Variants in TMEM135 observed in about 807,000 individuals in gnomAD.
TMEM135 encodes peroxisomal membrane protein 52.
In TMEM135, 30 loss-of-function variants were observed where a neutral mutation model predicts 60.3. That is an observed-to-expected ratio of 0.50 (90% CI 0.37 to 0.68). TMEM135 has a LOEUF of 0.68. Among genes scored for constraint, TMEM135 ranks in the 30% least tolerant of loss-of-function variants. The pLI is 0.00. For missense variants in TMEM135, 468 were observed against 548.8 expected, an observed-to-expected ratio of 0.85 and a Z score of 1.47; for synonymous variants, 190 against 186.7, an observed-to-expected ratio of 1.02 and a Z score of -0.14.
chr11:87,107,139 A>G (rs1218589514), intron 4 of TMEM135, among the ~76,000 whole-genome samples: 1 of 152,186 alleles, frequency 6.6e-6, no homozygotes. Context: ...GGACAAATAT[A>G]CAGACTATAT....
chr11:87,152,127 A>G lies in TMEM135; in HGVS notation c.397-5214A>G, dbSNP rs528636414. ...CTAAGGTTCTGCTGAACAAATTAGCATGTCTTCTGACTCTTCAGAGAGTGA... is the reference window on the plus strand; with the variant it reads ...CTAAGGTTCTGCTGAACAAATTAGCGTGTCTTCTGACTCTTCAGAGAGTGA... On this transcript the variant is annotated intron_variant, in intron 4 of 14. Transcript: ENST00000305494. Among the ~76,000 whole-genome samples the G allele has an allele frequency of 4.6e-5, 7 of 152,214 alleles. No individual in the cohort carries two copies. The South Asian group carries it at 8.3e-4, about 18-fold the overall frequency.
chr11:87,079,944 C>T (rs1325878256), intron 3 of TMEM135, among the ~76,000 whole-genome samples: 13 of 148,904 alleles, frequency 8.7e-5, no homozygotes, highest in East Asian at 4.0e-4. Context: ...TGGGTTCAAG[C>T]GATTCTCCTG....
chr11:87,315,358 A>G (rs1316530113), intron 12 of TMEM135, among the ~76,000 whole-genome samples: 1 of 151,934 alleles, frequency 6.6e-6, no homozygotes, highest in African/African-American at 2.4e-5. Context: ...ATTCAGGTTT[A>G]AATTTTTGTA....
intron 5 of TMEM135, among the ~76,000 whole-genome samples, chr11:87,183,566 TTGTC>T (rs1434117409): frequency 1.3e-5 from 2 of 152,176 alleles, no homozygotes; most frequent in African/African-American, 4.8e-5. Flanking sequence ...TGCGGTTAAA[TTGTC>T]TGATAAAAGT....
chr11:87,315,977 G>A (rs1288195756), intron 12 of TMEM135, among the ~76,000 whole-genome samples: 2 of 151,674 alleles, frequency 1.3e-5, no homozygotes, highest in Non-Finnish European at 2.9e-5. Context: ...AATATATTCC[G>A]GGCTCATCTG....
intron 6 of TMEM135, among the ~76,000 whole-genome samples, chr11:87,236,964 T>G (rs895683312): frequency 5.3e-5 from 8 of 151,984 alleles, no homozygotes; most frequent in African/African-American, 1.9e-4. Flanking sequence ...CAAATCCTGA[T>G]AAGTGAATTT....
rs970247939 is a variant in TMEM135 at position 87,326,790 on chromosome 11, T to G, written c.*5457T>G. On this transcript the variant is annotated 3_prime_UTR_variant, in exon 15 of 15. Transcript: ENST00000305494. Reference sequence around the variant, plus strand: ...GAAGAAATTCAGTTGCATCTGAATCTGAGTCGGCAGTTTTTGATAGCCTGT... The same window carrying G: ...GAAGAAATTCAGTTGCATCTGAATCGGAGTCGGCAGTTTTTGATAGCCTGT... 1 of 446,104 alleles carries G rather than the reference T, an allele frequency of 2.2e-6. No homozygotes were observed. The highest frequency in any genetic ancestry group is 4.4e-6 in the Non-Finnish European group (1 of 224,864). 27.6% of individuals were successfully genotyped at this position (446,104 alleles called of 1,614,324 possible).
intron 1 of TMEM135, among the ~76,000 whole-genome samples, chr11:87,058,539 C>T (rs1949915375): frequency 6.6e-6 from 1 of 152,130 alleles, no homozygotes; most frequent in Non-Finnish European, 1.5e-5. Flanking sequence ...CTATGTTGGC[C>T]AGACTGGTCT....
At chr11:87,280,451 G>A (rs1431978107) in intron 6 of TMEM135, among the ~76,000 whole-genome samples, 4 of 152,264 alleles carry the variant, frequency 2.6e-5, no homozygotes, top group African/African-American at 9.6e-5. Context: ...CTGTGTTACA[G>A]TCATATTAAA....
chr11:87,055,666 C>T (rs895672929), intron 1 of TMEM135, among the ~76,000 whole-genome samples: 4 of 151,862 alleles, frequency 2.6e-5, no homozygotes, highest in Non-Finnish European at 5.9e-5. Flanking sequence ...TCTCGGCTCA[C>T]GCCAACCTCC....
intron 5 of TMEM135, among the ~76,000 whole-genome samples, chr11:87,197,472 A>G (rs1463156008): frequency 6.6e-6 from 1 of 152,112 alleles, no homozygotes; most frequent in Non-Finnish European, 1.5e-5. Flanking sequence ...TAGAAAGGAG[A>G]TGGTAACCTG....
chr11:87,250,190 G>T (rs1264110686), intron 6 of TMEM135, among the ~76,000 whole-genome samples: 1 of 151,978 alleles, frequency 6.6e-6, no homozygotes, highest in Non-Finnish European at 1.5e-5. Flanking sequence ...TGATGTATTT[G>T]TGCATTTTGT....
chr11:87,240,103 T>C lies in TMEM135; in HGVS notation c.509+3419T>C, dbSNP rs1565497840. 3.3e-5 allele frequency among the ~76,000 whole-genome samples: 5 copies of C among 152,224 alleles called. No homozygotes were observed. The South Asian group carries it at 1.0e-3, about 32-fold the overall frequency. On this transcript the variant is annotated intron_variant, in intron 6 of 14. Coordinates refer to ENST00000305494, the MANE Select transcript of TMEM135 (RefSeq NM_022918.4). ...AAGGTACTGTGCGAGGAGAGGGCTC[T>C]ACTTCTGTTCTGGTCAGCTGGCCTG...
intron 5 of TMEM135, among the ~76,000 whole-genome samples, chr11:87,161,462 C>T (rs546229): frequency 0.43 from 65,378 of 152,004 alleles, 14,970 homozygotes; most frequent in East Asian, 0.67. Flanking sequence ...TCTCTTTTCT[C>T]ATATAACTTG....
chr11:87,196,284 T>C (rs1396184203), intron 5 of TMEM135, among the ~76,000 whole-genome samples: 1 of 152,174 alleles, frequency 6.6e-6, no homozygotes, highest in Non-Finnish European at 1.5e-5. Flanking sequence ...AACTTAAATA[T>C]TTGATTAAAT....
intron 5 of TMEM135, among the ~76,000 whole-genome samples, chr11:87,172,245 CT>C (rs1565473097): frequency 6.6e-6 from 1 of 152,006 alleles, no homozygotes; most frequent in African/African-American, 2.4e-5. Context: ...TTGTAAACCA[CT>C]GTTTTAGAAG....
intron 6 of TMEM135, among the ~76,000 whole-genome samples, chr11:87,276,859 A>G (rs1941977587): frequency 6.6e-6 from 1 of 151,296 alleles, no homozygotes; most frequent in Non-Finnish European, 1.5e-5. Context: ...TTTAGTAGTG[A>G]CAGGGTTTCA....
chr11:87,088,247 T>TA (rs1240290196), intron 3 of TMEM135, among the ~76,000 whole-genome samples: 1 of 152,160 alleles, frequency 6.6e-6, no homozygotes, highest in African/African-American at 2.4e-5. Flanking sequence ...AAGGGGCTTT[T>TA]ATTGGCTCTG....
At chr11:87,134,165 G>T (rs531778057) in intron 4 of TMEM135, among the ~76,000 whole-genome samples, 1 of 152,136 alleles carries the variant, frequency 6.6e-6, no homozygotes, top group East Asian at 1.9e-4. Flanking sequence ...TGGCAAGGTT[G>T]GTTTTTTCTG....
Sources: allele counts gnomAD v4.1 joint callset (sites outside exome capture counted in the v4.1 genomes callset), GRCh38; gene constraint gnomAD v4.1.1; transcripts MANE v1.5; gene names NCBI Gene and HGNC (gene_info 2026-07-23, HGNC 2026-07-21).